The following PPIP5K2 variants were observed in gnomAD, a reference collection of about 807,000 sequenced individuals.
PPIP5K2 encodes the protein diphosphoinositol pentakisphosphate kinase 2.
In PPIP5K2, 105 loss-of-function variants were observed where a neutral mutation model predicts 154.6. That is an observed-to-expected ratio of 0.68 (90% CI 0.58 to 0.80). The LOEUF is 0.80. PPIP5K2 is among the 30% of genes least tolerant of loss of function. The pLI is 0.00. For missense variants in PPIP5K2, 992 were observed against 1,504.6 expected (o/e 0.66, Z 5.64); for synonymous variants, 480 against 490.3 (o/e 0.98, Z 0.28).
At chr5:103,137,254 C>A (rs1791676168) in intron 4 of PPIP5K2, among the ~76,000 whole-genome samples, 1 of 151,846 alleles carries the variant, frequency 6.6e-6, no homozygotes, top group Admixed American at 6.6e-5. Flanking sequence ...GCTCCCCCTC[C>A]CGGGTTCCCG....
intron 30 of PPIP5K2, among the ~76,000 whole-genome samples, chr5:103,200,622 A>G (rs1005275632): frequency 6.7e-6 from 1 of 150,154 alleles, no homozygotes; most frequent in Admixed American, 6.6e-5. Context: ...TATTTTATTT[A>G]TTTATTTATT....
intron 3 of PPIP5K2, among the ~76,000 whole-genome samples, chr5:103,134,721 G>A (rs1185113813): frequency 3.3e-5 from 5 of 152,090 alleles, no homozygotes; most frequent in Admixed American, 2.0e-4. Context: ...CTCTTGGTAG[G>A]GAAAAAGTTT....
At chr5:103,193,670 A>G (rs1416919428) in intron 29 of PPIP5K2, among the ~76,000 whole-genome samples, 1 of 152,066 alleles carries the variant, frequency 6.6e-6, no homozygotes, top group African/African-American at 2.4e-5. Context: ...ATTAGTGACT[A>G]CTTTTTATTT....
At chr5:103,126,076 G>C (rs542391691) in intron 1 of PPIP5K2, among the ~76,000 whole-genome samples, 1 of 152,030 alleles carries the variant, frequency 6.6e-6, no homozygotes, top group Non-Finnish European at 1.5e-5. Context: ...TGCTTTAGAG[G>C]CTTTATACTT....
rs1803674176 is a variant in PPIP5K2 at position 103,209,241 on chromosome 5, C to T, written c.*7607C>T. ...TAGTCAAAGATGTACAAGATAGCTCCTAATGCTCTTTTATGGCTGCTCCTG... is the reference window on the plus strand; with the variant it reads ...TAGTCAAAGATGTACAAGATAGCTCTTAATGCTCTTTTATGGCTGCTCCTG... On this transcript the variant is annotated 3_prime_UTR_variant, in exon 31 of 31. Transcript: ENST00000358359. 6.6e-6 allele frequency: 1 copy of T among 152,086 alleles called. No homozygotes were observed. The highest frequency in any genetic ancestry group is 6.6e-5 in the Admixed American group (1 of 15,266). 9.4% of individuals were successfully genotyped at this position (152,086 alleles called of 1,614,324 possible). A position where few individuals can be genotyped will look rare whatever the true frequency, so the allele number is the denominator to read the frequency against.
intron 30 of PPIP5K2, 30 bp from the exon 31 acceptor site, chr5:103,201,492 G>GTT (rs371804029): frequency 6.4e-4 from 724 of 1,126,658 alleles, no homozygotes; most frequent in South Asian, 2.6e-3. Flanking sequence ...TTAAGCAATA[G>GTT]TTTTTTTTTT....
rs150753496 is a variant in PPIP5K2 at position 103,168,556 on chromosome 5, C to G, written c.2286+261C>G. The stretch of plus-strand genomic sequence containing the variant: ...AGCAGTTTTATGTTCACAGCAAAAT[C>G]AAACAGAAGGTACAAAGATTTCCCA... On this transcript the variant is annotated intron_variant, in intron 19 of 30. Transcript: ENST00000358359. 4.6e-5 allele frequency among the ~76,000 whole-genome samples: 7 copies of G among 151,808 alleles called. No individual in the cohort carries two copies. The East Asian group carries it at 1.2e-3, about 25-fold the overall frequency.
chr5:103,162,131 C>T (rs1554216048), intron 17 of PPIP5K2, among the ~76,000 whole-genome samples: 1 of 151,994 alleles, frequency 6.6e-6, no homozygotes, highest in Non-Finnish European at 1.5e-5. Context: ...GTGGATATAC[C>T]TAGAATTTAC....
chr5:103,156,037 AAC>A, intron 14 of PPIP5K2, 43 bp downstream of exon 14: 1 of 1,302,644 alleles, frequency 7.7e-7, no homozygotes, highest in Non-Finnish European at 1.1e-6. Context: ...TATATGTAGT[AAC>A]TTGTTATTCA....
At position 103,158,543 on chromosome 5, in the gene PPIP5K2, A is replaced by T. The variant is rs782177393; in HGVS notation, c.1707A>T (p.Arg569=). The stretch of plus-strand genomic sequence containing the variant: ...AAATATATGCCTCTGATGAAGGACG[A>T]GTCCAGATGACTGCAGCTGCTTTTG... The part of the protein sequence containing the change: ...DLKIYASDEG[R]VQMTAAAFAK... The change falls in exon 16 of 31, where the codon CGA becomes CGT. Residue 569 remains arginine (R), a synonymous_variant. Coordinates refer to ENST00000358359, the MANE Select transcript of PPIP5K2 (RefSeq NM_001276277.3). 1 of 1,606,688 alleles carries T rather than the reference A, an allele frequency of 6.2e-7. No homozygotes were observed. Among genetic ancestry groups the T allele is most frequent in the Non-Finnish European group, 8.5e-7 (1 of 1,177,782 alleles).
At chr5:103,136,878 C>A in intron 4 of PPIP5K2, 56 bp downstream of exon 4, 1 of 1,192,418 alleles carries the variant, frequency 8.4e-7, no homozygotes, top group Non-Finnish European at 1.3e-6. Flanking sequence ...AATTTAGTAC[C>A]TACTGTACAC....
chr5:103,185,381 A>G (rs782146085), intron 26 of PPIP5K2, among the ~76,000 whole-genome samples: 1 of 152,150 alleles, frequency 6.6e-6, no homozygotes, highest in Non-Finnish European at 1.5e-5. Flanking sequence ...AATAGGTTTA[A>G]TAAAGGCATA....
chr5:103,187,356 T>G lies in PPIP5K2; in HGVS notation c.3332T>G (p.Phe1111Cys). 6.5e-7 allele frequency: 1 copy of G among 1,535,110 alleles called. No individual in the cohort carries two copies. The highest frequency in any genetic ancestry group is 1.2e-5 in the South Asian group (1 of 84,006). The change falls in exon 28 of 31, where the codon TTT (phenylalanine) becomes TGT (cysteine). Residue 1111 changes from phenylalanine (F) to cysteine (C), a missense_variant. Physicochemically the swap from Phe to Cys is radical, Grantham distance 205. Transcript: ENST00000358359. ...GCTGTTAAAAGGTTTTCTATCTCAT[T>G]TGCTCGACACCCAACCAATGGTACG... ...GSAVKRFSIS[F>C]ARHPTNGFEL...
intron 13 of PPIP5K2, 106 bp downstream of exon 13, chr5:103,155,049 C>G (rs1413437727): frequency 5.1e-6 from 3 of 589,962 alleles, no homozygotes; most frequent in Non-Finnish European, 8.0e-6. Flanking sequence ...TCTTTTTACT[C>G]TTTGTTACTA....
intron 2 of PPIP5K2, among the ~76,000 whole-genome samples, chr5:103,130,021 A>C (rs1170078909): frequency 6.6e-6 from 1 of 152,210 alleles, no homozygotes; most frequent in Non-Finnish European, 1.5e-5. Context: ...AATACATAAC[A>C]AATAATTGAA....
At chr5:103,198,081 A>G (rs782259827) in intron 30 of PPIP5K2, among the ~76,000 whole-genome samples, 22 of 151,956 alleles carry the variant, frequency 1.4e-4, no homozygotes, top group Non-Finnish European at 2.6e-4. Context: ...GTTATATTGT[A>G]TTTTCATTAT....
intron 5 of PPIP5K2, among the ~76,000 whole-genome samples, chr5:103,141,168 G>C (rs1347974081): frequency 6.6e-6 from 1 of 152,134 alleles, no homozygotes; most frequent in Admixed American, 6.5e-5. Context: ...CCCGTCTTGT[G>C]TCCGGAATTG....
chr5:103,179,486 C>T (rs1265924831), intron 23 of PPIP5K2, among the ~76,000 whole-genome samples: 2 of 151,986 alleles, frequency 1.3e-5, no homozygotes, highest in African/African-American at 2.4e-5. Flanking sequence ...TCATCTGTGT[C>T]CTAGAACAAT....
rs373353652 is a variant in PPIP5K2, at chr5:103,149,320, T to C, written c.906+7T>C. 8.1e-6 allele frequency: 13 copies of C among 1,611,826 alleles called. No homozygotes were observed. In the African/African-American group the frequency reaches 1.1e-4, roughly 13 times the overall value. ...AGTCTGCCTTGCTTTTAAGGTAAGA[T>C]GTTATACAGGCCTATAGATCCTTAT... is the stretch of plus-strand genomic sequence containing the variant. On this transcript the variant is annotated splice_region_variant and intron_variant, in intron 8 of 30. Coordinates refer to ENST00000358359, the MANE Select transcript of PPIP5K2 (RefSeq NM_001276277.3).
Sources: gnomAD v4.1 joint callset for allele counts (sites outside exome capture counted in the v4.1 genomes callset) on GRCh38, gnomAD v4.1.1 for gene constraint, MANE v1.5 for transcripts, NCBI Gene and HGNC (gene_info 2026-07-23, HGNC 2026-07-21) for gene names.